CABCOCO1: variants seen among roughly 807,000 people sequenced by gnomAD.
The protein encoded by CABCOCO1 is ciliary-associated calcium-binding coiled-coil protein 1.
Under a neutral mutation model 35.7 loss-of-function variants are expected in CABCOCO1, and 28 were observed. The ratio of observed to expected loss-of-function variants is 0.78; its 90% CI spans 0.58 to 1.07. The LOEUF is 1.07. Ranked by LOEUF, CABCOCO1 falls within the 50% of genes least tolerant of loss-of-function variation. The pLI is 0.00. For missense variants in CABCOCO1, 326 were observed against 309.2 expected, an observed-to-expected ratio of 1.05 and a Z score of -0.41; for synonymous variants, 95 against 100.1, an observed-to-expected ratio of 0.95 and a Z score of 0.30.
At chr10:61,715,761 C>T (rs913378653) in intron 5 of CABCOCO1, among the ~76,000 whole-genome samples, 4 of 152,120 alleles carry the variant, frequency 2.6e-5, no homozygotes, top group Non-Finnish European at 5.9e-5. Context: ...ATTTCTCCTT[C>T]ACTTATGAAG....
chr10:61,707,597 C>T (rs1456112702), intron 5 of CABCOCO1, among the ~76,000 whole-genome samples: 1 of 152,028 alleles, frequency 6.6e-6, no homozygotes, highest in East Asian at 1.9e-4. Flanking sequence ...TAATCAGAGG[C>T]GTGAGATGCT....
At chr10:61,687,074 T>C (rs1839986222) in intron 4 of CABCOCO1, among the ~76,000 whole-genome samples, 1 of 152,244 alleles carries the variant, frequency 6.6e-6, no homozygotes, top group South Asian at 2.1e-4. Flanking sequence ...TTGGCAAGGA[T>C]TCTAGCTGAA....
chr10:61,766,182 T>C lies in CABCOCO1; in HGVS notation c.*169T>C. On this transcript the variant is annotated 3_prime_UTR_variant, in exon 8 of 8. Transcript: ENST00000648843. ...AGAAAAGTATTGGTCCCAATTTTGC[T>C]ATCTCCCATCCCATAACAGCCTCTG... 1 of 573,486 alleles carries C rather than the reference T, an allele frequency of 1.7e-6. No individual in the cohort carries two copies. The highest frequency in any genetic ancestry group is 3.0e-6 in the Non-Finnish European group (1 of 331,862). The allele number at this position is 573,486 out of a possible 1,614,324, so 35.5% of individuals were successfully genotyped here.
chr10:61,728,483 A>C (rs1461469132), intron 5 of CABCOCO1, among the ~76,000 whole-genome samples: 1 of 152,206 alleles, frequency 6.6e-6, no homozygotes, highest in Non-Finnish European at 1.5e-5. Flanking sequence ...AATTCAATAG[A>C]ATTCTTCTTG....
chr10:61,666,944 T>C (rs1839193597), intron 1 of CABCOCO1, among the ~76,000 whole-genome samples: 1 of 136,452 alleles, frequency 7.3e-6, no homozygotes, highest in South Asian at 2.2e-4. Flanking sequence ...AATATAATTA[T>C]ATATTATGTA....
rs565679935 is a variant in CABCOCO1 at position 61,664,030 on chromosome 10, C to A, written c.60+998C>A. Among the ~76,000 whole-genome samples, 172 of 152,230 alleles carry A rather than the reference C, an allele frequency of 1.1e-3. 2 individuals are homozygous for A. Among genetic ancestry groups the A allele is most frequent in the Non-Finnish European group, 2.0e-3 (137 of 68,006 alleles). On this transcript the variant is annotated intron_variant, in intron 1 of 7. Coordinates refer to ENST00000648843, the MANE Select transcript of CABCOCO1 (RefSeq NM_001366906.2). Reference sequence around the variant, plus strand: ...CTGCAATTTTATAAATGAGGAAACACAAGGAGCCAATAATTCCATGCCTTG... The same window carrying A: ...CTGCAATTTTATAAATGAGGAAACAAAAGGAGCCAATAATTCCATGCCTTG...
At chr10:61,726,224 G>A (rs989802561) in intron 5 of CABCOCO1, among the ~76,000 whole-genome samples, 45 of 152,214 alleles carry the variant, frequency 3.0e-4, no homozygotes, top group Admixed American at 2.0e-3. Flanking sequence ...TTACAATCAC[G>A]AAAATTTGGA....
intron 3 of CABCOCO1, 119 bp downstream of exon 3, chr10:61,681,431 C>A: frequency 2.9e-6 from 2 of 700,120 alleles, no homozygotes; most frequent in South Asian, 2.3e-5. Flanking sequence ...CGGGTTTTTC[C>A]TGAGTATAAC....
chr10:61,699,607 G>A (rs577650214), intron 5 of CABCOCO1, among the ~76,000 whole-genome samples: 2 of 151,958 alleles, frequency 1.3e-5, no homozygotes, highest in South Asian at 4.2e-4. Flanking sequence ...ACCAACCCAT[G>A]CCTACTATCC....
At chr10:61,680,708 C>CATGTATAACATATATATGTTATAT (rs1839757370) in intron 2 of CABCOCO1, among the ~76,000 whole-genome samples, 2 of 85,112 alleles carry the variant, frequency 2.3e-5, no homozygotes, top group Non-Finnish European at 4.4e-5. Flanking sequence ...ATATGTTATA[C>CATGTATAACATATATATGTTATAT]ATGTATAACA....
chr10:61,701,519 G>A (rs1236571602), intron 5 of CABCOCO1, among the ~76,000 whole-genome samples: 16 of 152,146 alleles, frequency 1.1e-4, no homozygotes. Flanking sequence ...CTTTAGCTAA[G>A]GGGATTTACT....
At chr10:61,715,768 G>A (rs533504708) in intron 5 of CABCOCO1, among the ~76,000 whole-genome samples, 104 of 152,226 alleles carry the variant, frequency 6.8e-4, no homozygotes, top group African/African-American at 2.4e-3. Context: ...CTTCACTTAT[G>A]AAGCTTAGTT....
chr10:61,696,659 G>A (rs980825049), intron 5 of CABCOCO1, among the ~76,000 whole-genome samples: 7 of 151,702 alleles, frequency 4.6e-5, no homozygotes, highest in African/African-American at 1.5e-4. Flanking sequence ...CCTCATACCC[G>A]GCTAATTTTT....
At chr10:61,759,194 T>C (rs1230851045) in intron 5 of CABCOCO1, among the ~76,000 whole-genome samples, 1 of 152,048 alleles carries the variant, frequency 6.6e-6, no homozygotes, top group African/African-American at 2.4e-5. Flanking sequence ...CAGTTTACAA[T>C]GAGGCATGTA....
chr10:61,681,349 T>C (rs759697929), intron 3 of CABCOCO1, 37 bp downstream of exon 3: 56 of 1,403,498 alleles, frequency 4.0e-5, no homozygotes, highest in Non-Finnish European at 5.4e-5. Flanking sequence ...AAAACAAATT[T>C]AATTTACCAT....
rs1841605118 is a variant in CABCOCO1, at chr10:61,744,020, TTTGTG to T, written c.553-16034_553-16030del. Among the ~76,000 whole-genome samples the T allele has an allele frequency of 2.6e-5, 4 of 152,260 alleles. No homozygotes were observed. In the Middle Eastern group the frequency reaches 0.01, roughly 388 times the overall value. ...TGAGACCTCCTCAAAAGTCAGAGCC[TTTGTG>T]TTGTTTGTCTCTGAATCTCCATGAC... On this transcript the variant is annotated intron_variant, in intron 5 of 7. Transcript: ENST00000648843.
chr10:61,669,905 AAC>A (rs1391541215), intron 1 of CABCOCO1, among the ~76,000 whole-genome samples: 1 of 152,152 alleles, frequency 6.6e-6, no homozygotes, highest in Non-Finnish European at 1.5e-5. Context: ...TGTGTATTAA[AAC>A]ACATAAAAAT....
At chr10:61,669,020 G>GAAAAAAAAAAAATAAAA (rs1554820463) in intron 1 of CABCOCO1, among the ~76,000 whole-genome samples, 1 of 102,480 alleles carries the variant, frequency 9.8e-6, no homozygotes, top group Non-Finnish European at 2.1e-5. Flanking sequence ...AAGGGTTGGG[G>GAAAAAAAAAAAATAAAA]AAAAAAAAAA....
At position 61,745,261 on chromosome 10, in the gene CABCOCO1, C is replaced by T. The variant is rs185700638; in HGVS notation, c.553-14798C>T. Among the ~76,000 whole-genome samples, 293 of 152,252 alleles carry T rather than the reference C, an allele frequency of 1.9e-3. 3 individuals carry two copies. Among genetic ancestry groups the T allele is most frequent in the Middle Eastern group, 6.8e-3 (2 of 294 alleles). On this transcript the variant is annotated intron_variant, in intron 5 of 7. Coordinates refer to ENST00000648843, the MANE Select transcript of CABCOCO1 (RefSeq NM_001366906.2). The stretch of plus-strand genomic sequence containing the variant: ...AATATTTATCAGAAGTTAGCAATTA[C>T]GCTCAAATTCTTCCAGAGCCAAGTT...
Sources: allele counts gnomAD v4.1 joint callset (sites outside exome capture counted in the v4.1 genomes callset), GRCh38; gene constraint gnomAD v4.1.1; transcripts MANE v1.5; gene names NCBI Gene and HGNC (gene_info 2026-07-23, HGNC 2026-07-21).